Variants in NUP88 observed in about 807,000 individuals in gnomAD.
NUP88 encodes the protein nuclear pore complex protein Nup88.
A neutral mutation model predicts 93.9 loss-of-function variants in NUP88; 57 were observed. The ratio of observed to expected loss-of-function variants is 0.61; its 90% CI spans 0.49 to 0.76. The LOEUF (loss-of-function observed/expected upper bound fraction) is 0.76, where lower values mean the gene tolerates loss of function less well. Ranked by LOEUF, NUP88 falls within the 30% of genes least tolerant of loss-of-function variation. The pLI is 0.00. For synonymous variants in NUP88, 346 were observed against 336.8 expected (o/e 1.03, Z -0.30); for missense variants, 911 against 901.0 (o/e 1.01, Z -0.14).
chr17:5,385,289 AG>A lies in NUP88; in HGVS notation c.*916del. 1 of 229,412 alleles carries A rather than the reference AG, an allele frequency of 4.4e-6. No individual in the cohort carries two copies. Among genetic ancestry groups the A allele is most frequent in the East Asian group, 6.2e-5 (1 of 16,228 alleles). The allele number at this position is 229,412 out of a possible 1,614,324, so 14.2% of individuals were successfully genotyped here. A position where few individuals can be genotyped will look rare whatever the true frequency, so the allele number is the denominator to read the frequency against. ...ATAAATGGGAACTGATGTAGAAGGC[AG>A]GATTTAGCCCTTCTAGGCAAAAGAA... On this transcript the variant is annotated 3_prime_UTR_variant, in exon 17 of 17. Coordinates refer to ENST00000573584, the MANE Select transcript of NUP88 (RefSeq NM_002532.6).
In NUP88 at chr17:5,387,440, C is replaced by T. The variant is rs774967326; in HGVS notation, c.1862G>A (p.Arg621His). The change falls in exon 14 of 17, where the codon CGT becomes CAT. Residue 621 changes from arginine to histidine, a missense_variant. Transcript: ENST00000573584. ...ERKSLREMAE[R>H]LADKYEEAKE... is the part of the protein sequence containing the mutation. The stretch of plus-strand genomic sequence containing the variant: ...AGCTTCCTCATATTTGTCAGCTAAA[C>T]GCTCAGCCATTTCCCGCAGACTTTT... 2.0e-5 allele frequency: 32 copies of T among 1,614,044 alleles called. No homozygotes were observed. The highest frequency in any genetic ancestry group is 3.3e-5 in the South Asian group (3 of 91,088).
intron 8 of NUP88, among the ~76,000 whole-genome samples, chr17:5,398,160 T>G (rs556848798): frequency 6.6e-6 from 1 of 151,610 alleles, no homozygotes; most frequent in East Asian, 2.0e-4. Context: ...TGCCTCGGCC[T>G]CCAAAGTGCT....
chr17:5,398,890 CT>C (rs751156685), intron 8 of NUP88, among the ~76,000 whole-genome samples: 1,491 of 131,866 alleles, frequency 0.011, 23 homozygotes, highest in African/African-American at 0.036. Context: ...TGCACCCAGC[CT>C]TTTTTTTTTT....
intron 5 of NUP88, among the ~76,000 whole-genome samples, chr17:5,407,565 T>C (rs1247249414): frequency 6.6e-6 from 1 of 152,202 alleles, no homozygotes; most frequent in Admixed American, 6.5e-5. Context: ...CAAATTCTTA[T>C]CCTGTATAGA....
chr17:5,417,219 G>A (rs916956647), intron 1 of NUP88, among the ~76,000 whole-genome samples: 2 of 152,180 alleles, frequency 1.3e-5, no homozygotes, highest in Non-Finnish European at 2.9e-5. Flanking sequence ...AGATTTTGGA[G>A]GAGTGAAGGT....
Position 5,417,487 on chromosome 17 carries a change from C to A in NUP88, c.298-805G>T, listed in dbSNP as rs376922757. Reference sequence around the variant, plus strand: ...CATTTCAAAAATAAAAAATAAAATACGTTTTTAAAAAATGACAAGGGCAGA... The same window carrying A: ...CATTTCAAAAATAAAAAATAAAATAAGTTTTTAAAAAATGACAAGGGCAGA... On this transcript the variant is annotated intron_variant, in intron 1 of 16. Coordinates refer to ENST00000573584, the MANE Select transcript of NUP88 (RefSeq NM_002532.6). Among the ~76,000 whole-genome samples, 7 of 150,726 alleles carry A rather than the reference C, an allele frequency of 4.6e-5. No individual in the cohort carries two copies. In the South Asian group the frequency reaches 1.5e-3, roughly 32 times the overall value.
At chr17:5,406,727 C>T (rs1913514310) in intron 5 of NUP88, among the ~76,000 whole-genome samples, 1 of 151,164 alleles carries the variant, frequency 6.6e-6, no homozygotes, top group Non-Finnish European at 1.5e-5. Flanking sequence ...TGTTTTGGGC[C>T]ACACAGAAAA....
Position 5,387,892 on chromosome 17 carries a change from C to T in NUP88, c.1656G>A (p.Lys552=), listed in dbSNP as rs771941815. ...ATTCTTCAGGAGGAGGGGCTATGTC[C>T]TTTTCAGAAGCTCTTAAAAACAAAG... ...ANPAFLKASE[K]DIAPPPEECL... is the part of the protein sequence containing the mutation. The change falls in exon 12 of 17, where the codon AAG becomes AAA. Residue 552 remains lysine, a synonymous_variant. Coordinates refer to ENST00000573584, the MANE Select transcript of NUP88 (RefSeq NM_002532.6). 12 of 1,613,296 alleles carry T rather than the reference C, an allele frequency of 7.4e-6. No individual in the cohort carries two copies. The highest frequency in any genetic ancestry group is 1.1e-5 in the South Asian group (1 of 90,872).
At chr17:5,411,527 G>A (rs891041303) in intron 3 of NUP88, among the ~76,000 whole-genome samples, 1 of 147,626 alleles carries the variant, frequency 6.8e-6, no homozygotes, top group African/African-American at 2.5e-5. Flanking sequence ...GCTGGAGTGA[G>A]CCAAGATCAC....
Position 5,385,360 on chromosome 17 carries a change from C to G in NUP88, c.*846G>C. ...GAGTGTTCCTGTGCTTATATTCAGT[C>G]TGTGCCTACATGTTCTCATGCATGT... On this transcript the variant is annotated 3_prime_UTR_variant, in exon 17 of 17. Transcript: ENST00000573584. 4.3e-6 allele frequency: 1 copy of G among 230,788 alleles called. No individual in the cohort carries two copies. 14.3% of individuals were successfully genotyped at this position (230,788 alleles called of 1,614,324 possible).
At chr17:5,397,164 A>T (rs1912826438) in intron 8 of NUP88, among the ~76,000 whole-genome samples, 1 of 151,822 alleles carries the variant, frequency 6.6e-6, no homozygotes, top group Non-Finnish European at 1.5e-5. Context: ...ACACGGTAAA[A>T]CCCCATCTCT....
chr17:5,405,771 C>T (rs565532169), intron 5 of NUP88, among the ~76,000 whole-genome samples: 1 of 152,202 alleles, frequency 6.6e-6, no homozygotes, highest in Non-Finnish European at 1.5e-5. Context: ...TGCTACTCAA[C>T]AGCTGTAACA....
intron 7 of NUP88, among the ~76,000 whole-genome samples, chr17:5,402,279 C>G (rs1347080382): frequency 6.6e-6 from 1 of 151,558 alleles, no homozygotes; most frequent in Non-Finnish European, 1.5e-5. Flanking sequence ...TGCACTCCAG[C>G]TTGGGCAACA....
At position 5,389,877 on chromosome 17, in the gene NUP88, G is replaced by A. The variant is rs950423082; in HGVS notation, c.1485-917C>T. Among the ~76,000 whole-genome samples, 30 of 148,846 alleles carry A rather than the reference G, an allele frequency of 2.0e-4. 1 individual carries two copies. Among genetic ancestry groups the A allele is most frequent in the Admixed American group, 1.8e-3 (27 of 14,808 alleles). ...CAGAAATATGATCTGAAAGTATCCA[G>A]ATAATTGGCCTGGCACGGTGGCTCA... On this transcript the variant is annotated intron_variant, in intron 10 of 16. Transcript: ENST00000573584.
chr17:5,419,216 G>A (rs1914422598), intron 1 of NUP88, 138 bp downstream of exon 1: 3 of 993,464 alleles, frequency 3.0e-6, no homozygotes, highest in Admixed American at 3.4e-5. Context: ...CTGAGTCCCC[G>A]CGACCGCGTA....
In NUP88 at chr17:5,386,968, T is replaced by A; in HGVS notation, c.2043+16A>T. 1 of 1,609,234 alleles carries A rather than the reference T, an allele frequency of 6.2e-7. No individual in the cohort carries two copies. The highest frequency in any genetic ancestry group is 8.5e-7 in the Non-Finnish European group (1 of 1,178,744). ...AGAAAAATTACCAAATTTAGCTAGT[T>A]TGGATCTATTCCTACCTGTTTGATG... is the stretch of plus-strand genomic sequence containing the variant. On this transcript the variant is annotated intron_variant, in intron 15 of 16. Coordinates refer to ENST00000573584, the MANE Select transcript of NUP88 (RefSeq NM_002532.6).
intron 8 of NUP88, among the ~76,000 whole-genome samples, chr17:5,398,348 G>A (rs1401965855): frequency 2.0e-5 from 3 of 152,052 alleles, no homozygotes; most frequent in African/African-American, 7.3e-5. Flanking sequence ...GGAGTGCTGT[G>A]GCACGATATC....
At position 5,385,887 on chromosome 17, in the gene NUP88, AAC is replaced by A. The variant is rs1911915340; in HGVS notation, c.*317_*318del. On this transcript the variant is annotated 3_prime_UTR_variant, in exon 17 of 17. Transcript: ENST00000573584. Reference sequence around the variant, plus strand: ...CATGTTTCTGGTGCTGCTACTTTAAAACACAGCTCACAAGAATAACTAACTTG... The same window carrying A: ...CATGTTTCTGGTGCTGCTACTTTAAAACAGCTCACAAGAATAACTAACTTG... The A allele has an allele frequency of 3.4e-6, 1 of 292,920 alleles. No homozygotes were observed. Among genetic ancestry groups the A allele is most frequent in the African/African-American group, 2.3e-5 (1 of 43,222 alleles). 18.1% of individuals were successfully genotyped at this position (292,920 alleles called of 1,614,324 possible). A position where few individuals can be genotyped will look rare whatever the true frequency, so the allele number is the denominator to read the frequency against.
chr17:5,406,763 TA>T lies in NUP88; in HGVS notation c.858-1521del, dbSNP rs899133316. Among the ~76,000 whole-genome samples the T allele has an allele frequency of 2.7e-4, 32 of 119,838 alleles. 1 individual carries two copies. Among genetic ancestry groups the T allele is most frequent in the Admixed American group, 9.8e-4 (12 of 12,242 alleles). 78.6% of individuals were successfully genotyped at this position (119,838 alleles called of 152,430 possible). A position where few individuals can be genotyped will look rare whatever the true frequency, so the allele number is the denominator to read the frequency against. On this transcript the variant is annotated intron_variant, in intron 5 of 16. Transcript: ENST00000573584. ...TACACTAACAATACGTGATGAGCTT[TA>T]AAAAAAAAAGAAAAGAAAAGAAAAT...
Sources: allele counts gnomAD v4.1 joint callset (sites outside exome capture counted in the v4.1 genomes callset), GRCh38; gene constraint gnomAD v4.1.1; transcripts MANE v1.5; gene names NCBI Gene and HGNC (gene_info 2026-07-23, HGNC 2026-07-21).